The following TRDN variants were observed in gnomAD, a reference collection of about 807,000 sequenced individuals.
The protein encoded by TRDN is triadin, also known as triadin in skeletal muscle.
In TRDN, 161 loss-of-function variants were observed where a neutral mutation model predicts 149.7. The observed-to-expected ratio is 1.08, with a 90% CI of 0.95 to 1.23. The LOEUF (loss-of-function observed/expected upper bound fraction) is 1.23, where lower values mean the gene tolerates loss of function less well. Ranked by LOEUF, TRDN falls within the 50% of genes most tolerant of loss-of-function variation. The pLI is 0.00. For synonymous variants in TRDN, 294 were observed against 250.5 expected, an observed-to-expected ratio of 1.17 and a Z score of -1.64; for missense variants, 896 against 823.5, an observed-to-expected ratio of 1.09 and a Z score of -1.08.
chr6:123,379,986 G>A (rs766374772), intron 16 of TRDN, among the ~76,000 whole-genome samples: 1 of 152,066 alleles, frequency 6.6e-6, no homozygotes, highest in Non-Finnish European at 1.5e-5. Flanking sequence ...GTACCATCGA[G>A]TAAAGCAACC....
chr6:123,526,495 C>T (rs566604472), intron 5 of TRDN, among the ~76,000 whole-genome samples: 3 of 152,080 alleles, frequency 2.0e-5, no homozygotes, highest in East Asian at 1.9e-4. Context: ...CATGTTCTTA[C>T]GTTAGAGATA....
At chr6:123,468,109 C>T (rs1776941582) in intron 9 of TRDN, among the ~76,000 whole-genome samples, 1 of 152,082 alleles carries the variant, frequency 6.6e-6, no homozygotes, top group Non-Finnish European at 1.5e-5. Context: ...CATCTAATTT[C>T]ACAAGAAGAT....
chr6:123,381,426 A>G, intron 15 of TRDN, 36 bp from the exon 16 acceptor site: 1 of 1,542,514 alleles, frequency 6.5e-7, no homozygotes, highest in Non-Finnish European at 8.8e-7. Flanking sequence ...TGCTCTTAAA[A>G]CTTTAAAGAT....
chr6:123,438,959 C>A lies in TRDN; in HGVS notation c.976G>T (p.Glu326Ter). The change falls in exon 11 of 41, where the codon GAA becomes TAA. Residue 326 changes from glutamate (E) to a stop codon, truncating the protein, a stop_gained. Transcript: ENST00000334268. LOFTEE classifies it high-confidence loss of function. Reference protein sequence around the residue: ...KKKAEKKVTSETKKKEKEDIK... With the variant: ...KKKAEKKVTS ...AATTTCCTACCTTTCTTTTTTGTTT[C>A]AGAAGTAACTTTCTTCTCAGCCTTC... 1 of 1,559,636 alleles carries A rather than the reference C, an allele frequency of 6.4e-7. No homozygotes were observed. Among genetic ancestry groups the A allele is most frequent in the South Asian group, 1.2e-5 (1 of 84,076 alleles).
intron 24 of TRDN, among the ~76,000 whole-genome samples, chr6:123,296,160 T>C (rs531263609): frequency 6.6e-6 from 1 of 152,314 alleles, no homozygotes; most frequent in Non-Finnish European, 1.5e-5. Flanking sequence ...ATAGATTTTC[T>C]GCTTTAATCT....
At chr6:123,546,229 A>G (rs1781105249) in intron 4 of TRDN, among the ~76,000 whole-genome samples, 1 of 152,152 alleles carries the variant, frequency 6.6e-6, no homozygotes, top group Non-Finnish European at 1.5e-5. Context: ...TTGCAGGTGT[A>G]TAAACCCTTC....
chr6:123,443,367 T>C (rs1775061796), intron 10 of TRDN, among the ~76,000 whole-genome samples: 1 of 151,772 alleles, frequency 6.6e-6, no homozygotes, highest in African/African-American at 2.4e-5. Context: ...GGGTAAACCT[T>C]TCTGAATGGG....
intron 20 of TRDN, 35 bp downstream of exon 20, chr6:123,366,100 T>C (rs377389831): frequency 2.8e-5 from 43 of 1,549,854 alleles, no homozygotes; most frequent in Non-Finnish European, 3.6e-5. Flanking sequence ...AAATAACTTA[T>C]AGTTATGACA....
intron 1 of TRDN, among the ~76,000 whole-genome samples, chr6:123,578,206 C>A (rs897188669): frequency 1.3e-5 from 2 of 152,022 alleles, no homozygotes; most frequent in Non-Finnish European, 2.9e-5. Context: ...AAATCTTTGC[C>A]CATTCCTATG....
chr6:123,476,908 T>C (rs1777509185), intron 9 of TRDN, among the ~76,000 whole-genome samples: 1 of 151,146 alleles, frequency 6.6e-6, no homozygotes, highest in Non-Finnish European at 1.5e-5. Flanking sequence ...CAAAAATCAA[T>C]TCAAGATGGA....
At chr6:123,294,162 A>G (rs1314218105) in intron 24 of TRDN, among the ~76,000 whole-genome samples, 1 of 152,182 alleles carries the variant, frequency 6.6e-6, no homozygotes, top group Non-Finnish European at 1.5e-5. Context: ...ATAATAAAAC[A>G]TGCTACACAT....
At chr6:123,225,545 TACACACACAC>T (rs1390798808) in intron 38 of TRDN, among the ~76,000 whole-genome samples, 1 of 137,000 alleles carries the variant, frequency 7.3e-6, no homozygotes, top group East Asian at 2.0e-4. Flanking sequence ...TACACACACA[TACACACACAC>T]AGAATGGTGG....
intron 18 of TRDN, among the ~76,000 whole-genome samples, chr6:123,377,180 A>G (rs1399566118): frequency 3.3e-5 from 5 of 152,162 alleles, no homozygotes; most frequent in Non-Finnish European, 5.9e-5. Context: ...GGCAAAATCT[A>G]CTTTTGCTCT....
chr6:123,513,651 G>A (rs780623021), intron 6 of TRDN, among the ~76,000 whole-genome samples: 1 of 151,928 alleles, frequency 6.6e-6, no homozygotes, highest in Non-Finnish European at 1.5e-5. Flanking sequence ...AAGAAAATAA[G>A]ATAAGAAAAT....
At chr6:123,288,881 C>T (rs188835751) in intron 24 of TRDN, among the ~76,000 whole-genome samples, 123 of 151,828 alleles carry the variant, frequency 8.1e-4, no homozygotes, top group Non-Finnish European at 1.4e-3. Flanking sequence ...AGCAATTTCA[C>T]GTCTGTTATA....
chr6:123,361,716 T>C (rs1386062431), intron 20 of TRDN, among the ~76,000 whole-genome samples: 16 of 152,182 alleles, frequency 1.1e-4, no homozygotes, highest in Admixed American at 1.0e-3. Context: ...TATTAATATA[T>C]TATGTACCTG....
rs762402822 is a variant in TRDN at position 123,571,097 on chromosome 6, T to TAAAA, written c.57_58insTTTT (p.Lys20PhefsTer2). The TAAAA allele has an allele frequency of 1.5e-5, 24 of 1,613,882 alleles. No individual in the cohort carries two copies. The highest frequency in any genetic ancestry group is 1.9e-5 in the Non-Finnish European group (22 of 1,179,870). On this transcript the variant is annotated frameshift_variant, in exon 2 of 41. Transcript: ENST00000334268. LOFTEE classifies it high-confidence loss of function. ...GGGGATTTGGGCACAGATCCATTTTTGCTGTCTATCACAGTTGTGGTTGTA... is the reference window on the plus strand; with the variant it reads ...GGGGATTTGGGCACAGATCCATTTTTAAAAGCTGTCTATCACAGTTGTGGTTGTA...
intron 7 of TRDN, chr6:123,510,098 T>C (rs1189044868): frequency 2.0e-5 from 3 of 152,138 alleles, no homozygotes; most frequent in African/African-American, 7.2e-5. Flanking sequence ...AAATTTATTT[T>C]CACTTGCATT....
intron 12 of TRDN, among the ~76,000 whole-genome samples, chr6:123,412,410 C>T (rs1415052018): frequency 6.6e-6 from 1 of 152,188 alleles, no homozygotes; most frequent in Non-Finnish European, 1.5e-5. Context: ...AGTCATATTT[C>T]AACAGCTAAA....
Sources: gnomAD v4.1 joint callset for allele counts (sites outside exome capture counted in the v4.1 genomes callset) on GRCh38, gnomAD v4.1.1 for gene constraint, MANE v1.5 for transcripts, NCBI Gene and HGNC (gene_info 2026-07-23, HGNC 2026-07-21) for gene names.